The following DEAF1 variants were observed in gnomAD, a reference collection of about 807,000 sequenced individuals.
DEAF1 encodes the protein deformed epidermal autoregulatory factor 1 homolog.
A neutral mutation model predicts 58.9 loss-of-function variants in DEAF1; 53 were observed. The observed-to-expected ratio is 0.90, with a 90% CI of 0.72 to 1.13. The LOEUF is 1.13. DEAF1 is among the 50% of genes most tolerant of loss of function. The pLI is 0.00. For missense variants in DEAF1, 685 were observed against 791.4 expected (o/e 0.87, Z 1.61); for synonymous variants, 385 against 340.4 (o/e 1.13, Z -1.44).
At chr11:691,755 A>G (rs113679055) in intron 1 of DEAF1, among the ~76,000 whole-genome samples, 157 bp from the exon 2 acceptor site, 1 of 152,122 alleles carries the variant, frequency 6.6e-6, no homozygotes, top group African/African-American at 2.4e-5. Context: ...CTCGACCTAC[A>G]TTTCTATTCC....
chr11:700,195 C>T, upstream of DEAF1: 1 of 1,614,116 alleles, frequency 6.2e-7, no homozygotes, highest in Middle Eastern at 1.6e-4. Context: ...CGTACTACGC[C>T]CTGTATTTCC....
At chr11:686,825 T>A in intron 5 of DEAF1, 33 bp downstream of exon 5, 1 of 1,613,656 alleles carries the variant, frequency 6.2e-7, no homozygotes, top group East Asian at 2.2e-5. Context: ...GTCTGAACTG[T>A]GTGCTGAGCA....
chr11:701,645 C>A (rs7121166), intron 1 of DEAF1, among the ~76,000 whole-genome samples: 4 of 151,922 alleles, frequency 2.6e-5, no homozygotes, highest in East Asian at 1.9e-4. Context: ...TCCTGACCTC[C>A]TGATCCGCCC....
intron 10 of DEAF1, among the ~76,000 whole-genome samples, chr11:669,996 G>C (rs1213234197): frequency 6.6e-6 from 1 of 151,462 alleles, no homozygotes; most frequent in African/African-American, 2.4e-5. Flanking sequence ...GCCAGGCATG[G>C]TGGCGCAAGG....
At chr11:704,190 C>A in intron 1 of DEAF1, 1 of 1,047,058 alleles carries the variant, frequency 9.6e-7, no homozygotes, top group African/African-American at 1.7e-5. Flanking sequence ...TGCAAGAGAG[C>A]ACACCCCACT....
intron 10 of DEAF1, among the ~76,000 whole-genome samples, chr11:657,549 C>G (rs367837229): frequency 6.6e-6 from 1 of 152,070 alleles, no homozygotes; most frequent in Non-Finnish European, 1.5e-5. Context: ...TAGGAGAAGC[C>G]CCCCCACGGC....
chr11:691,436 G>A (rs765720888), intron 2 of DEAF1, 65 bp downstream of exon 2: 99 of 1,484,938 alleles, frequency 6.7e-5, no homozygotes, highest in East Asian at 2.5e-4. Flanking sequence ...GGAGAGCCTC[G>A]GGGAAGCCGG....
chr11:644,547 G>A lies in DEAF1; in HGVS notation c.*3C>T. 1.9e-6 allele frequency: 3 copies of A among 1,611,830 alleles called. No individual in the cohort carries two copies. Among genetic ancestry groups the A allele is most frequent in the Non-Finnish European group, 2.5e-6 (3 of 1,179,564 alleles). ...CCCAGCTCCCAGGGCGGCCGATGGA[G>A]CCTCACACGGTCACCTTCTCCATCA... is the stretch of plus-strand genomic sequence containing the variant. On this transcript the variant is annotated 3_prime_UTR_variant, in exon 12 of 12. Transcript: ENST00000382409. The surrounding 1 kb of genome is among the most constrained non-coding windows in gnomAD (Gnocchi z 4.3).
At chr11:705,512 T>C (rs1861674960) in intron 1 of DEAF1, 1 of 154,276 alleles carries the variant, frequency 6.5e-6, no homozygotes, top group Non-Finnish European at 1.4e-5. Flanking sequence ...TGAGAGGGCC[T>C]GAGGTGTCCC....
At chr11:671,827 A>T (rs935321215) in intron 10 of DEAF1, among the ~76,000 whole-genome samples, 6 of 12,666 alleles carry the variant, frequency 4.7e-4, no homozygotes, top group Non-Finnish European at 7.9e-4. Flanking sequence ...CTTACCTCTT[A>T]AAAAAAAAAA....
chr11:705,867 C>A (rs1564966317), intron 1 of DEAF1, among the ~76,000 whole-genome samples: 1 of 152,242 alleles, frequency 6.6e-6, no homozygotes, highest in African/African-American at 2.4e-5. Flanking sequence ...CAGCTAGGCC[C>A]TGCCCAAGGA....
chr11:705,475 C>T (rs138842848), intron 1 of DEAF1: 1,588 of 153,366 alleles, frequency 0.01, 16 homozygotes, highest in Non-Finnish European at 0.013. Context: ...GGCCTGACCA[C>T]GGGGCAGTGC....
intron 10 of DEAF1, among the ~76,000 whole-genome samples, chr11:656,141 C>G (rs1231674292): frequency 1.4e-5 from 2 of 139,620 alleles, no homozygotes; most frequent in African/African-American, 5.6e-5. Flanking sequence ...GCCTGTGCCT[C>G]TACTTTAAAT....
At chr11:700,924 G>A (rs574372319) in intron 1 of DEAF1, 3 of 595,276 alleles carry the variant, frequency 5.0e-6, no homozygotes, top group Non-Finnish European at 9.0e-6. Context: ...ATCGTTGGGA[G>A]AGACTCTGTG....
chr11:668,739 T>G (rs1416418465), intron 10 of DEAF1, among the ~76,000 whole-genome samples: 2 of 152,208 alleles, frequency 1.3e-5, no homozygotes, highest in African/African-American at 4.8e-5. Flanking sequence ...AGAGGATTGC[T>G]TGAGCCTGGG....
At chr11:667,073 A>G (rs1372256062) in intron 10 of DEAF1, among the ~76,000 whole-genome samples, 1 of 151,432 alleles carries the variant, frequency 6.6e-6, no homozygotes, top group Non-Finnish European at 1.5e-5. Flanking sequence ...GGTGGTACAC[A>G]TGTGTAGTCC....
intron 8 of DEAF1, among the ~76,000 whole-genome samples, chr11:679,247 G>A (rs1860227700): frequency 6.6e-6 from 1 of 151,736 alleles, no homozygotes; most frequent in South Asian, 2.1e-4. Flanking sequence ...CCCGGGAGGC[G>A]GAGCTTGCAA....
intron 10 of DEAF1, chr11:654,655 A>G: frequency 2.2e-6 from 1 of 454,852 alleles, no homozygotes; most frequent in South Asian, 1.5e-5. Context: ...CGGGTGGATC[A>G]CCTGAGGTCA....
chr11:677,356 G>A lies in DEAF1; in HGVS notation c.1255+1338C>T, dbSNP rs541899426. 1.8e-4 allele frequency among the ~76,000 whole-genome samples: 10 copies of A among 55,510 alleles called. 4 individuals carry two copies. The highest frequency in any genetic ancestry group is 3.4e-4 in the Non-Finnish European group (7 of 20,858). 36.4% of individuals were successfully genotyped at this position (55,510 alleles called of 152,430 possible). On this transcript the variant is annotated intron_variant, in intron 9 of 11. Transcript: ENST00000382409. Reference sequence around the variant, plus strand: ...TCTACTAAAAATACAAAAATTAGCCGGGCATGGTGGCGCGTGCCTGAAGTC... The same window carrying A: ...TCTACTAAAAATACAAAAATTAGCCAGGCATGGTGGCGCGTGCCTGAAGTC...
Sources: allele counts gnomAD v4.1 joint callset (sites outside exome capture counted in the v4.1 genomes callset), GRCh38; gene constraint gnomAD v4.1.1; non-coding constraint Gnocchi (gnomAD v3.1); transcripts MANE v1.5; gene names NCBI Gene and HGNC (gene_info 2026-07-23, HGNC 2026-07-21).